Variants in GPC6 observed in about 807,000 individuals in gnomAD.
The protein encoded by GPC6 is glypican-6.
Under a neutral mutation model 55.2 loss-of-function variants are expected in GPC6, and 14 were observed. The ratio of observed to expected loss-of-function variants is 0.25; its 90% CI spans 0.17 to 0.40. GPC6 has a LOEUF of 0.40. Ranked by LOEUF, GPC6 falls within the 10% of genes least tolerant of loss-of-function variation. The pLI is 1.00. For missense variants in GPC6, 641 were observed against 708.5 expected, an observed-to-expected ratio of 0.90 and a Z score of 1.08; for synonymous variants, 278 against 259.6, an observed-to-expected ratio of 1.07 and a Z score of -0.68.
intron 2 of GPC6, among the ~76,000 whole-genome samples, chr13:93,610,432 G>T (rs956999237): frequency 2.0e-5 from 3 of 152,134 alleles, no homozygotes; most frequent in African/African-American, 4.8e-5. Flanking sequence ...AACATTCACT[G>T]AGCACTCACT....
At chr13:94,003,344 G>C (rs1384997818) in intron 3 of GPC6, among the ~76,000 whole-genome samples, 1 of 152,166 alleles carries the variant, frequency 6.6e-6, no homozygotes, top group Admixed American at 6.5e-5. Flanking sequence ...AATCAGCCCT[G>C]TGAATGATGC....
At chr13:94,076,475 C>T (rs978949874) in intron 4 of GPC6, among the ~76,000 whole-genome samples, 6 of 151,912 alleles carry the variant, frequency 3.9e-5, no homozygotes, top group Admixed American at 2.0e-4. Context: ...TGCACAGGAA[C>T]TTTTAGTTTG....
At chr13:93,496,629 C>A (rs6492664) in intron 1 of GPC6, among the ~76,000 whole-genome samples, 29,497 of 152,116 alleles carry the variant, frequency 0.19, 3,043 homozygotes, top group Middle Eastern at 0.27. Flanking sequence ...TAGAGACAGA[C>A]AACATATTGC....
intron 1 of GPC6, among the ~76,000 whole-genome samples, chr13:93,544,147 G>GA (rs145427838): frequency 0.12 from 17,954 of 148,692 alleles, 1,293 homozygotes; most frequent in East Asian, 0.3. Flanking sequence ...AGTAAAAAAA[G>GA]AAAAAAAAAT....
chr13:94,321,755 A>G (rs1429857691), intron 6 of GPC6, among the ~76,000 whole-genome samples: 1 of 152,196 alleles, frequency 6.6e-6, no homozygotes, highest in Non-Finnish European at 1.5e-5. Flanking sequence ...CACAAAGGCA[A>G]TAGCCCATCT....
At chr13:93,701,377 TACA>T (rs1250373351) in intron 2 of GPC6, among the ~76,000 whole-genome samples, 25 of 152,020 alleles carry the variant, frequency 1.6e-4, no homozygotes, top group Non-Finnish European at 1.5e-4. Context: ...AAAAAGTACA[TACA>T]TTAATAAATA....
intron 4 of GPC6, among the ~76,000 whole-genome samples, chr13:94,198,808 A>T (rs1889660896): frequency 6.6e-6 from 1 of 152,176 alleles, no homozygotes; most frequent in African/African-American, 2.4e-5. Context: ...AACCACAGTG[A>T]TATTGTTGCT....
intron 4 of GPC6, among the ~76,000 whole-genome samples, chr13:94,103,408 G>A (rs1885936659): frequency 6.6e-6 from 1 of 152,132 alleles, no homozygotes; most frequent in Admixed American, 6.5e-5. Flanking sequence ...ACCCAGTAAT[G>A]GGATCACTGG....
chr13:93,844,234 G>A (rs530620876), intron 3 of GPC6, among the ~76,000 whole-genome samples: 25 of 152,194 alleles, frequency 1.6e-4, no homozygotes, highest in South Asian at 4.2e-4. Context: ...CACTTCCTGC[G>A]TTCAAGTGAT....
intron 2 of GPC6, among the ~76,000 whole-genome samples, chr13:93,629,046 A>C (rs1424331895): frequency 1.7e-5 from 2 of 119,930 alleles, no homozygotes; most frequent in East Asian, 2.0e-4. Flanking sequence ...GAAAAAAAAA[A>C]AACAAAAAAA....
At chr13:93,844,027 C>T (rs564946837) in intron 3 of GPC6, among the ~76,000 whole-genome samples, 250 of 152,214 alleles carry the variant, frequency 1.6e-3, no homozygotes, top group Non-Finnish European at 2.8e-3. Flanking sequence ...CAAATAGCAT[C>T]TGTGGTTAAA....
intron 6 of GPC6, among the ~76,000 whole-genome samples, chr13:94,336,581 T>G (rs979520091): frequency 6.6e-6 from 1 of 152,162 alleles, no homozygotes; most frequent in Admixed American, 6.5e-5. Context: ...TTTGTTGCTC[T>G]TCCCAGGATG....
chr13:94,251,257 G>C (rs1447008022), intron 4 of GPC6, among the ~76,000 whole-genome samples: 1 of 150,672 alleles, frequency 6.6e-6, no homozygotes, highest in Non-Finnish European at 1.5e-5. Flanking sequence ...TGAACAATTA[G>C]AGCACATGGA....
intron 2 of GPC6, among the ~76,000 whole-genome samples, chr13:93,741,115 A>ATTT (rs1884183560): frequency 1.6e-5 from 2 of 122,078 alleles, no homozygotes; most frequent in African/African-American, 5.8e-5. Flanking sequence ...CCCATCCAGA[A>ATTT]TCTTTTTTTT....
intron 1 of GPC6, among the ~76,000 whole-genome samples, chr13:93,487,579 G>A (rs554031204): frequency 6.6e-6 from 1 of 152,282 alleles, no homozygotes; most frequent in Admixed American, 6.5e-5. Flanking sequence ...ACAGAAAGTT[G>A]AAAAAGAACA....
At chr13:93,263,919 C>G (rs1376048253) in intron 1 of GPC6, among the ~76,000 whole-genome samples, 1 of 152,268 alleles carries the variant, frequency 6.6e-6, no homozygotes, top group East Asian at 1.9e-4. Context: ...TTAGTTGTGC[C>G]AGTTTACTCT....
intron 2 of GPC6, among the ~76,000 whole-genome samples, chr13:93,714,544 A>G (rs1883185005): frequency 6.6e-6 from 1 of 151,928 alleles, no homozygotes; most frequent in Non-Finnish European, 1.5e-5. Flanking sequence ...AAAGAAATTA[A>G]AAGAGAGCTA....
At chr13:94,359,888 A>G (rs576645973) in intron 6 of GPC6, among the ~76,000 whole-genome samples, 1 of 152,368 alleles carries the variant, frequency 6.6e-6, no homozygotes, top group East Asian at 1.9e-4. Context: ...ACAATGTAAT[A>G]GGAAAATGCA....
intron 3 of GPC6, among the ~76,000 whole-genome samples, chr13:93,887,050 A>G (rs1875384729): frequency 5.3e-5 from 8 of 152,050 alleles, no homozygotes; most frequent in Admixed American, 5.3e-4. Context: ...AAATGTTTAG[A>G]CACTGGATTA....
Sources: gnomAD v4.1 joint callset for allele counts (sites outside exome capture counted in the v4.1 genomes callset) on GRCh38, gnomAD v4.1.1 for gene constraint, MANE v1.5 for transcripts, NCBI Gene and HGNC (gene_info 2026-07-23, HGNC 2026-07-21) for gene names.